The following XPO7 variants were observed in gnomAD, a reference collection of about 807,000 sequenced individuals.
The protein encoded by XPO7 is exportin-7.
A neutral mutation model predicts 144.3 loss-of-function variants in XPO7; 21 were observed. The observed-to-expected ratio is 0.15, with a 90% confidence interval of 0.10 to 0.21. XPO7 has a LOEUF of 0.21. XPO7 is among the 10% of genes least tolerant of loss of function. The pLI, the probability that XPO7 is intolerant of heterozygous loss-of-function variation, is 1.00. For synonymous variants in XPO7, 580 were observed against 499.6 expected (o/e 1.16, Z -2.15); for missense variants, 808 against 1,325.8 (o/e 0.61, Z 6.06).
At chr8:21,957,196 C>G (rs1251257535) in intron 1 of XPO7, among the ~76,000 whole-genome samples, 1 of 152,004 alleles carries the variant, frequency 6.6e-6, no homozygotes, top group African/African-American at 2.4e-5. Context: ...CAGCGGCACT[C>G]CCACTTCATT....
chr8:21,991,799 A>G lies in XPO7; in HGVS notation c.2042-69A>G, dbSNP rs1004601496. ...CCTGGGTTTGCTCCTCTTTCATCCC[A>G]TCTTCCCATATATGCACAGCTTTGA... On this transcript the variant is annotated intron_variant, in intron 18 of 27. Transcript: ENST00000252512. The G allele has an allele frequency of 7.8e-6, 10 of 1,274,294 alleles. No individual in the cohort carries two copies. The African/African-American group carries it at 1.4e-4, about 17-fold the overall frequency. The allele number at this position is 1,274,294 out of a possible 1,614,324, so 78.9% of individuals were successfully genotyped here.
In XPO7 at chr8:21,987,283, G is replaced by A; in HGVS notation, c.1713+7G>A. The A allele has an allele frequency of 6.2e-7, 1 of 1,613,986 alleles. No individual in the cohort carries two copies. Among genetic ancestry groups the A allele is most frequent in the Non-Finnish European group, 8.5e-7 (1 of 1,179,854 alleles). On this transcript the variant is annotated splice_region_variant and intron_variant, in intron 14 of 27. Transcript: ENST00000252512. ...AGTGCAGAAATCCTCTAAGGTAACA[G>A]CCTCTCAATTGGCTCCCCTTAGTTC...
intron 1 of XPO7, among the ~76,000 whole-genome samples, chr8:21,957,441 G>A (rs1264552229): frequency 6.6e-6 from 1 of 152,134 alleles, no homozygotes; most frequent in Non-Finnish European, 1.5e-5. Flanking sequence ...CTCACTGCTG[G>A]CTAGGGATTT....
intron 1 of XPO7, among the ~76,000 whole-genome samples, chr8:21,946,771 A>T (rs1413274902): frequency 1.3e-5 from 2 of 151,930 alleles, no homozygotes; most frequent in African/African-American, 2.4e-5. Flanking sequence ...TAAATTTTAA[A>T]ACTCATACCT....
intron 5 of XPO7, among the ~76,000 whole-genome samples, chr8:21,973,699 A>G (rs1812137433): frequency 6.6e-6 from 1 of 152,222 alleles, no homozygotes; most frequent in Non-Finnish European, 1.5e-5. Context: ...AAGAGATTTA[A>G]GCTTTCAGTA....
intron 1 of XPO7, among the ~76,000 whole-genome samples, chr8:21,951,116 T>G (rs997817319): frequency 6.6e-6 from 1 of 151,974 alleles, no homozygotes; most frequent in African/African-American, 2.4e-5. Context: ...ATTAATTAAT[T>G]AAGGAAGTAC....
Position 21,956,607 on chromosome 8 carries a change from C to T in XPO7, c.19-10250C>T, listed in dbSNP as rs528163327. Among the ~76,000 whole-genome samples, 11 of 151,670 alleles carry T rather than the reference C, an allele frequency of 7.3e-5. No homozygotes were observed. In the South Asian group the frequency reaches 1.9e-3, roughly 26 times the overall value. ...GATTTTTTTAAACTTTGCTCTTTCC[C>T]TCTTGGTCCTTTTGCTCTGTTGTCT... On this transcript the variant is annotated intron_variant, in intron 1 of 27. Coordinates refer to ENST00000252512, the MANE Select transcript of XPO7 (RefSeq NM_015024.5).
At chr8:21,932,985 A>G (rs1312158016) in intron 1 of XPO7, among the ~76,000 whole-genome samples, 1 of 152,160 alleles carries the variant, frequency 6.6e-6, no homozygotes, top group Admixed American at 6.5e-5. Flanking sequence ...ACGGGCAAGG[A>G]AATATTCATT....
At chr8:21,951,349 C>G (rs1361897230) in intron 1 of XPO7, among the ~76,000 whole-genome samples, 1 of 151,944 alleles carries the variant, frequency 6.6e-6, no homozygotes, top group Non-Finnish European at 1.5e-5. Context: ...CCCACATATA[C>G]TCTTAATCAT....
intron 1 of XPO7, among the ~76,000 whole-genome samples, chr8:21,922,044 G>A (rs964935271): frequency 6.6e-6 from 1 of 152,170 alleles, no homozygotes; most frequent in Admixed American, 6.5e-5. Context: ...GGGTGGCGGG[G>A]ATATTTTTCT....
chr8:21,969,751 G>A (rs182246014), intron 3 of XPO7, 175 bp downstream of exon 3: 57 of 635,740 alleles, frequency 9.0e-5, no homozygotes, highest in African/African-American at 8.1e-4. Context: ...AGGGCCCGAC[G>A]CAATAACTTC....
intron 24 of XPO7, among the ~76,000 whole-genome samples, chr8:22,001,308 C>CAA (rs762708728): frequency 5.1e-5 from 6 of 116,910 alleles, no homozygotes; most frequent in Non-Finnish European, 9.1e-5. Flanking sequence ...GACTCCGTAT[C>CAA]AAAAAAAAAA....
chr8:21,966,143 G>A (rs1811875303), intron 1 of XPO7: 2 of 639,976 alleles, frequency 3.1e-6, no homozygotes, highest in African/African-American at 3.6e-5. Context: ...TCAAGATTTG[G>A]AGAGAAGAGT....
chr8:21,951,215 C>G (rs138162942), intron 1 of XPO7, among the ~76,000 whole-genome samples: 199 of 151,814 alleles, frequency 1.3e-3, no homozygotes, highest in African/African-American at 4.6e-3. Context: ...CAGAGAGAAT[C>G]CTTGTTAGGT....
intron 1 of XPO7, among the ~76,000 whole-genome samples, chr8:21,930,131 A>G (rs1810595899): frequency 1.3e-5 from 2 of 152,244 alleles, no homozygotes; most frequent in African/African-American, 2.4e-5. Flanking sequence ...GGTTTCAAAC[A>G]TGGTTTTTGT....
At chr8:21,989,908 T>G (rs1257508939) in intron 16 of XPO7, among the ~76,000 whole-genome samples, 3 of 133,944 alleles carry the variant, frequency 2.2e-5, no homozygotes, top group African/African-American at 8.1e-5. Context: ...GGAGTGCAGT[T>G]GCGCGATCTC....
chr8:22,003,332 T>C lies in XPO7; in HGVS notation c.3042+15T>C. 1 of 1,595,762 alleles carries C rather than the reference T, an allele frequency of 6.3e-7. No individual in the cohort carries two copies. Among genetic ancestry groups the C allele is most frequent in the Non-Finnish European group, 8.5e-7 (1 of 1,170,224 alleles). ...TTAATGAAAAGGTGAGAGAGCCAGC[T>C]CCCTGGTGCCAACCCAGAAGCAGTG... is the stretch of plus-strand genomic sequence containing the variant. On this transcript the variant is annotated intron_variant, in intron 26 of 27. Coordinates refer to ENST00000252512, the MANE Select transcript of XPO7 (RefSeq NM_015024.5).
chr8:21,953,429 A>G (rs140913671), intron 1 of XPO7, among the ~76,000 whole-genome samples: 4 of 152,340 alleles, frequency 2.6e-5, no homozygotes, highest in East Asian at 1.9e-4. Flanking sequence ...AAGTTCCTCT[A>G]TGTCTTTTTG....
At chr8:21,970,737 A>G (rs968284461) in intron 4 of XPO7, among the ~76,000 whole-genome samples, 1 of 152,312 alleles carries the variant, frequency 6.6e-6, no homozygotes, top group East Asian at 1.9e-4. Flanking sequence ...CTTGCACTTC[A>G]TGATGATGTT....
Sources: gnomAD v4.1 joint callset for allele counts (sites outside exome capture counted in the v4.1 genomes callset) on GRCh38, gnomAD v4.1.1 for gene constraint, MANE v1.5 for transcripts, NCBI Gene and HGNC (gene_info 2026-07-23, HGNC 2026-07-21) for gene names.